Variants in DPP10 observed in about 807,000 individuals in gnomAD.
DPP10 encodes the protein inactive dipeptidyl peptidase 10.
In DPP10, 33 loss-of-function variants were observed where a neutral mutation model predicts 120.9. That is an observed-to-expected ratio of 0.27 (90% confidence interval 0.21 to 0.37). The LOEUF (loss-of-function observed/expected upper bound fraction) is 0.37, where lower values mean the gene tolerates loss of function less well. DPP10 is among the 10% of genes least tolerant of loss of function. DPP10 has a pLI of 1.00. For missense variants in DPP10, 816 were observed against 942.8 expected (o/e 0.87, Z 1.76); for synonymous variants, 337 against 326.1 (o/e 1.03, Z -0.36).
chr2:115,286,519 T>TATATAATATATATATTAC (rs1559366778), intron 1 of DPP10, among the ~76,000 whole-genome samples: 4 of 43,472 alleles, frequency 9.2e-5, no homozygotes, highest in African/African-American at 2.5e-4. Flanking sequence ...ATATAATATA[T>TATATAATATATATATTAC]ATATATAATA....
At position 115,439,644 on chromosome 2, in the gene DPP10, A is replaced by G. The variant is rs960823278; in HGVS notation, c.272-59866A>G. Among the ~76,000 whole-genome samples, 13 of 152,220 alleles carry G rather than the reference A, an allele frequency of 8.5e-5. 1 individual carries two copies. Among genetic ancestry groups the G allele is most frequent in the Admixed American group, 5.9e-4 (9 of 15,266 alleles). On this transcript the variant is annotated intron_variant, in intron 3 of 25. Coordinates refer to ENST00000410059, the MANE Select transcript of DPP10 (RefSeq NM_020868.6). ...AGGTTATTTGGAGCTGAAGAATTATAATGCAGCTTCCCCAAATTGTGATCT... is the reference window on the plus strand; with the variant it reads ...AGGTTATTTGGAGCTGAAGAATTATGATGCAGCTTCCCCAAATTGTGATCT...
At chr2:115,061,308 G>A (rs1008767747) in intron 1 of DPP10, among the ~76,000 whole-genome samples, 2 of 152,146 alleles carry the variant, frequency 1.3e-5, no homozygotes, top group African/African-American at 4.8e-5. Flanking sequence ...CATAGATAGA[G>A]ATGAAAATGA....
At chr2:114,774,754 A>G (rs1042733996) in intron 1 of DPP10, among the ~76,000 whole-genome samples, 1 of 151,612 alleles carries the variant, frequency 6.6e-6, no homozygotes, top group African/African-American at 2.4e-5. Flanking sequence ...CAACAACATT[A>G]GTTGGCTAAA....
intron 2 of DPP10, among the ~76,000 whole-genome samples, chr2:115,310,961 A>G (rs1221647156): frequency 1.3e-5 from 2 of 152,178 alleles, no homozygotes; most frequent in Non-Finnish European, 2.9e-5. Flanking sequence ...CATTGAGGCC[A>G]TAGTGATATT....
chr2:115,515,474 A>G (rs1293045088), intron 4 of DPP10, among the ~76,000 whole-genome samples: 1 of 151,996 alleles, frequency 6.6e-6, no homozygotes, highest in Non-Finnish European at 1.5e-5. Flanking sequence ...TCATCTTTTT[A>G]TATGTGCATT....
At chr2:114,474,466 G>A (rs191138116) in intron 1 of DPP10, among the ~76,000 whole-genome samples, 1 of 152,298 alleles carries the variant, frequency 6.6e-6, no homozygotes, top group East Asian at 1.9e-4. Flanking sequence ...AATGTGCCCA[G>A]TGTGGGGAAC....
intron 3 of DPP10, among the ~76,000 whole-genome samples, chr2:115,492,483 A>T (rs2076176560): frequency 6.6e-6 from 1 of 152,172 alleles, no homozygotes; most frequent in Non-Finnish European, 1.5e-5. Flanking sequence ...CTTAAATAGG[A>T]AACAGTCATT....
Position 114,882,953 on chromosome 2 carries a change from T to TG in DPP10, c.61-426283dup, listed in dbSNP as rs1267252184. On this transcript the variant is annotated intron_variant, in intron 1 of 25. Coordinates refer to ENST00000410059, the MANE Select transcript of DPP10 (RefSeq NM_020868.6). ...GCTAAAAGAGAAAAACCAGCTCTAT[T>TG]GGGCTATTCAGTTGTAAAATGTCAA... Among the ~76,000 whole-genome samples the TG allele has an allele frequency of 5.3e-5, 8 of 152,324 alleles. 1 individual carries two copies. Among genetic ancestry groups the TG allele is most frequent in the Admixed American group, 5.2e-4 (8 of 15,286 alleles).
chr2:114,768,119 C>T (rs1489854869), intron 1 of DPP10, among the ~76,000 whole-genome samples: 5 of 134,752 alleles, frequency 3.7e-5, no homozygotes, highest in Non-Finnish European at 7.7e-5. Flanking sequence ...CAGAACAAGG[C>T]TCTGTCTCAA....
chr2:114,520,844 C>A (rs1046844911), intron 1 of DPP10, among the ~76,000 whole-genome samples: 4 of 152,140 alleles, frequency 2.6e-5, no homozygotes, highest in African/African-American at 9.7e-5. Context: ...AAAGGGGATG[C>A]TGAAAGCTTA....
intron 1 of DPP10, among the ~76,000 whole-genome samples, chr2:114,856,016 A>G (rs1421463300): frequency 6.6e-6 from 1 of 152,102 alleles, no homozygotes; most frequent in Non-Finnish European, 1.5e-5. Flanking sequence ...TATATACAGA[A>G]TATATTTTTT....
At chr2:115,262,823 C>G (rs142785703) in intron 1 of DPP10, among the ~76,000 whole-genome samples, 266 of 152,234 alleles carry the variant, frequency 1.7e-3, no homozygotes, top group Non-Finnish European at 2.8e-3. Context: ...TTCCCAAGAT[C>G]CCTACAAAGA....
chr2:114,843,515 T>TA (rs1688320829), intron 1 of DPP10, among the ~76,000 whole-genome samples: 2 of 152,188 alleles, frequency 1.3e-5, no homozygotes, highest in African/African-American at 2.4e-5. Flanking sequence ...AATATCCTTC[T>TA]ATCTATGGCT....
At chr2:115,383,158 G>C (rs76690591) in intron 3 of DPP10, among the ~76,000 whole-genome samples, 1,553 of 152,282 alleles carry the variant, frequency 0.01, 24 homozygotes, top group African/African-American at 0.036. Flanking sequence ...GTGATGATGT[G>C]GTTTGGCTGT....
At chr2:115,253,493 A>G (rs914234981) in intron 1 of DPP10, among the ~76,000 whole-genome samples, 2 of 152,168 alleles carry the variant, frequency 1.3e-5, no homozygotes, top group Admixed American at 1.3e-4. Flanking sequence ...CCTTACACCT[A>G]TGAGCCTGCA....
At chr2:114,869,440 C>G (rs1690508800) in intron 1 of DPP10, among the ~76,000 whole-genome samples, 1 of 152,106 alleles carries the variant, frequency 6.6e-6, no homozygotes, top group Non-Finnish European at 1.5e-5. Flanking sequence ...CAGCAAGAGA[C>G]AGCAGATATC....
chr2:115,752,861 G>A (rs1446491), intron 10 of DPP10, among the ~76,000 whole-genome samples: 78,816 of 151,836 alleles, frequency 0.52, 23,405 homozygotes, highest in East Asian at 0.72. Flanking sequence ...GCATGTCATT[G>A]TTTTGATTTT....
intron 5 of DPP10, among the ~76,000 whole-genome samples, chr2:115,588,346 T>G (rs1437908781): frequency 6.6e-6 from 1 of 152,228 alleles, no homozygotes; most frequent in Non-Finnish European, 1.5e-5. Context: ...ATCTTTCCTT[T>G]TAGTGTTTCT....
intron 1 of DPP10, among the ~76,000 whole-genome samples, chr2:114,761,842 G>A (rs185316254): frequency 2.0e-4 from 31 of 152,258 alleles, no homozygotes; most frequent in African/African-American, 7.0e-4. Context: ...AATTCCAAGT[G>A]AGGGCTCTGA....
Sources: gnomAD v4.1 joint callset for allele counts (sites outside exome capture counted in the v4.1 genomes callset) on GRCh38, gnomAD v4.1.1 for gene constraint, MANE v1.5 for transcripts, NCBI Gene and HGNC (gene_info 2026-07-23, HGNC 2026-07-21) for gene names.